The following XKR7 variants were observed in gnomAD, a reference collection of about 807,000 sequenced individuals.
XKR7 encodes the protein XK-related protein 7.
In XKR7, 11 loss-of-function variants were observed where a neutral mutation model predicts 42.2. The ratio of observed to expected loss-of-function variants is 0.26; its 90% CI spans 0.16 to 0.43. The LOEUF (loss-of-function observed/expected upper bound fraction) is 0.43, where lower values mean the gene tolerates loss of function less well. Ranked by LOEUF, XKR7 falls within the 20% of genes least tolerant of loss-of-function variation. The probability of loss-of-function intolerance (pLI) is 1.00; values close to 1 mark genes in which losing one functional copy is unlikely to be tolerated. For synonymous variants in XKR7, 346 were observed against 366.4 expected (o/e 0.94, Z 0.64); for missense variants, 710 against 802.2 (o/e 0.89, Z 1.39).
chr20:31,977,111 C>T lies in XKR7; in HGVS notation c.584+8352C>T, dbSNP rs533724943. ...CATCCACAGCCTTTAAAACTGTCCA[C>T]GGCCTAAGGCTAAGGAAAGAGGAGG... On this transcript the variant is annotated intron_variant, in intron 1 of 2. Transcript: ENST00000562532. Among the ~76,000 whole-genome samples, 8 of 152,320 alleles carry T rather than the reference C, an allele frequency of 5.3e-5. No homozygotes were observed. The East Asian group carries it at 9.6e-4, about 18-fold the overall frequency.
rs1161678565 is a variant in XKR7 at position 32,002,265 on chromosome 20, TG to T, written c.*4810del. The T allele has an allele frequency of 6.6e-6, 1 of 152,134 alleles. No homozygotes were observed. Among genetic ancestry groups the T allele is most frequent in the Non-Finnish European group, 1.5e-5 (1 of 68,060 alleles). The allele number at this position is 152,134 out of a possible 1,614,324, so 9.4% of individuals were successfully genotyped here. On this transcript the variant is annotated 3_prime_UTR_variant, in exon 3 of 3. Coordinates refer to ENST00000562532, the MANE Select transcript of XKR7 (RefSeq NM_001011718.2). ...AAGGCTGCCCTCTCCTCAGCAACCC[TG>T]GCCTTTATTCTATGCATAACCACTG...
intron 1 of XKR7, among the ~76,000 whole-genome samples, chr20:31,994,316 T>C (rs1445840107): frequency 6.6e-6 from 1 of 152,204 alleles, no homozygotes; most frequent in Non-Finnish European, 1.5e-5. Flanking sequence ...GTGCCGGCCC[T>C]GAGGCCAGAA....
rs200612857 is a variant in XKR7 at position 31,968,613 on chromosome 20, C to G, written c.438C>G (p.Gly146=). 6.2e-7 allele frequency: 1 copy of G among 1,603,538 alleles called. No homozygotes were observed. Among genetic ancestry groups the G allele is most frequent in the African/African-American group, 1.3e-5 (1 of 75,022 alleles). Residue 146 remains glycine (G), a synonymous_variant, in exon 1 of 3, where the codon GGC becomes GGG. Coordinates refer to ENST00000562532, the MANE Select transcript of XKR7 (RefSeq NM_001011718.2). The surrounding 1 kb of genome is among the most constrained non-coding windows in gnomAD (Gnocchi z 4.5). ...GAAISTKDSA[G]AFRTKEGSPE... ...CCATCAGCACCAAGGACAGCGCCGG[C>G]GCCTTCCGGACCAAAGAAGGCAGCC...
intron 1 of XKR7, among the ~76,000 whole-genome samples, chr20:31,991,985 C>T (rs1600662124): frequency 1.3e-5 from 2 of 152,116 alleles, no homozygotes; most frequent in African/African-American, 2.4e-5. Flanking sequence ...GGCATGATGG[C>T]GTATGCCTGT....
rs766631555 is a variant in XKR7 at position 31,968,627 on chromosome 20, A to C, written c.452A>C (p.Lys151Thr). ...TKDSAGAFRT[K>T]EGSPEPGPQP... ...GACAGCGCCGGCGCCTTCCGGACCA[A>C]AGAAGGCAGCCCCGAGCCGGGTCCC... The change falls in exon 1 of 3, where the codon AAA becomes ACA. Residue 151 changes from lysine (K) to threonine (T), a missense_variant. Physicochemically the swap from Lys to Thr is moderately conservative, Grantham distance 78 (BLOSUM62 -1). This residue lies in a region of XKR7 where 708 missense variants were observed against 786.2 expected (regional missense o/e 0.90). Coordinates refer to ENST00000562532, the MANE Select transcript of XKR7 (RefSeq NM_001011718.2). This position sits in a 1 kb window ranked among gnomAD's most constrained non-coding sequence, Gnocchi z 4.5. 15 of 1,597,874 alleles carry C rather than the reference A, an allele frequency of 9.4e-6. No individual in the cohort carries two copies. In the Admixed American group the frequency reaches 1.7e-4, roughly 18 times the overall value.
intron 1 of XKR7, among the ~76,000 whole-genome samples, chr20:31,978,765 G>C (rs946391745): frequency 6.6e-6 from 1 of 152,176 alleles, no homozygotes; most frequent in Non-Finnish European, 1.5e-5. Flanking sequence ...ATAGTTGCAG[G>C]CCCCACCCCA....
At chr20:31,986,671 CACAG>C (rs1367419209) in intron 1 of XKR7, among the ~76,000 whole-genome samples, 1 of 147,466 alleles carries the variant, frequency 6.8e-6, no homozygotes, top group Non-Finnish European at 1.5e-5. Flanking sequence ...GCATCCAAGA[CACAG>C]ACAGACAGAC....
Position 31,996,976 on chromosome 20 carries a change from T to C in XKR7, c.1259T>C (p.Val420Ala). The change falls in exon 3 of 3, where the codon GTA (valine) becomes GCA (alanine). Residue 420 changes from valine (V) to alanine (A), a missense_variant. Around this residue, in one of 2 missense-constraint regions of XKR7, gnomAD observed 708 missense variants for 786.2 expected, o/e 0.90. Transcript: ENST00000562532. The stretch of plus-strand genomic sequence containing the variant: ...TTCTACTCGCTCATCATGGTCTGCG[T>C]AGTGGCCTCCAGCTTTGCGCTGGGC... ...TDFYSLIMVC[V>A]VASSFALGIF... The C allele has an allele frequency of 6.2e-7, 1 of 1,614,160 alleles. No individual in the cohort carries two copies. Among genetic ancestry groups the C allele is most frequent in the South Asian group, 1.1e-5 (1 of 91,086 alleles).
chr20:31,996,494 T>A lies in XKR7; in HGVS notation c.788-11T>A. The A allele has an allele frequency of 1.7e-5, 2 of 114,436 alleles. No homozygotes were observed. Among genetic ancestry groups the A allele is most frequent in the Non-Finnish European group, 2.4e-5 (2 of 83,292 alleles). 7.1% of individuals were successfully genotyped at this position (114,436 alleles called of 1,614,324 possible). A position where few individuals can be genotyped will look rare whatever the true frequency, so the allele number is the denominator to read the frequency against. On this transcript the variant is annotated splice_polypyrimidine_tract_variant and intron_variant, in intron 2 of 2. Coordinates refer to ENST00000562532, the MANE Select transcript of XKR7 (RefSeq NM_001011718.2). ...AACCCAGCCCACCCCGCCCCTGCCC[T>A]GTCTCCACAGCCCTCTCCACCTCCG...
At position 31,996,967 on chromosome 20, in the gene XKR7, T is replaced by C. The variant is rs138804760; in HGVS notation, c.1250T>C (p.Met417Thr). Reference protein sequence around the residue: ...NFSTDFYSLIMVCVVASSFAL... With the variant: ...NFSTDFYSLITVCVVASSFAL... ...TCAACCGACTTCTACTCGCTCATCA[T>C]GGTCTGCGTAGTGGCCTCCAGCTTT... is the stretch of plus-strand genomic sequence containing the variant. The change falls in exon 3 of 3, where the codon ATG (methionine) becomes ACG (threonine). Residue 417 changes from methionine to threonine, a missense_variant. Met to Thr is a moderately conservative substitution (Grantham distance 81, BLOSUM62 -1). Around this residue, in one of 2 missense-constraint regions of XKR7, gnomAD observed 708 missense variants for 786.2 expected, o/e 0.90. Transcript: ENST00000562532. 37 of 1,614,022 alleles carry C rather than the reference T, an allele frequency of 2.3e-5. No homozygotes were observed. Among genetic ancestry groups the C allele is most frequent in the Non-Finnish European group, 3.1e-5 (36 of 1,180,048 alleles).
chr20:31,973,478 A>T (rs2064472872), intron 1 of XKR7, among the ~76,000 whole-genome samples: 1 of 152,134 alleles, frequency 6.6e-6, no homozygotes, highest in Non-Finnish European at 1.5e-5. Context: ...CCTGGGCCAG[A>T]TCGTGATAAG....
chr20:31,968,636 G>A lies in XKR7; in HGVS notation c.461G>A (p.Ser154Asn), dbSNP rs1049471210. 6.3e-7 allele frequency: 1 copy of A among 1,590,440 alleles called. No individual in the cohort carries two copies. The highest frequency in any genetic ancestry group is 1.3e-5 in the African/African-American group (1 of 74,918). Reference sequence around the variant, plus strand: ...GGCGCCTTCCGGACCAAAGAAGGCAGCCCCGAGCCGGGTCCCCAGCCTGCG... The same window carrying A: ...GGCGCCTTCCGGACCAAAGAAGGCAACCCCGAGCCGGGTCCCCAGCCTGCG... The part of the protein sequence containing the change: ...SAGAFRTKEG[S>N]PEPGPQPAPS... The change falls in exon 1 of 3, where the codon AGC (serine) becomes AAC (asparagine). Residue 154 changes from serine (S) to asparagine (N), a missense_variant. This residue lies in a region of XKR7 where 708 missense variants were observed against 786.2 expected (regional missense o/e 0.90). Coordinates refer to ENST00000562532, the MANE Select transcript of XKR7 (RefSeq NM_001011718.2). The surrounding 1 kb of genome is among the most constrained non-coding windows in gnomAD (Gnocchi z 4.5).
intron 1 of XKR7, among the ~76,000 whole-genome samples, chr20:31,990,285 C>T (rs903140599): frequency 6.6e-6 from 1 of 151,948 alleles, no homozygotes; most frequent in East Asian, 1.9e-4. Context: ...CCTACCTCGG[C>T]CTCCCAAAGT....
chr20:31,968,647 G>C lies in XKR7; in HGVS notation c.472G>C (p.Gly158Arg). 1 of 1,584,782 alleles carries C rather than the reference G, an allele frequency of 6.3e-7. No individual in the cohort carries two copies. Among genetic ancestry groups the C allele is most frequent in the East Asian group, 2.3e-5 (1 of 44,200 alleles). Residue 158 changes from glycine to arginine, a missense_variant, in exon 1 of 3, where the codon GGT becomes CGT. Gly to Arg is a moderately radical substitution (Grantham distance 125, BLOSUM62 -2). Around this residue, in one of 2 missense-constraint regions of XKR7, gnomAD observed 708 missense variants for 786.2 expected, o/e 0.90. Transcript: ENST00000562532. The surrounding 1 kb of genome is among the most constrained non-coding windows in gnomAD (Gnocchi z 4.5). Reference sequence around the variant, plus strand: ...GACCAAAGAAGGCAGCCCCGAGCCGGGTCCCCAGCCTGCGCCCTCCTCGGC... The same window carrying C: ...GACCAAAGAAGGCAGCCCCGAGCCGCGTCCCCAGCCTGCGCCCTCCTCGGC... ...FRTKEGSPEP[G>R]PQPAPSSASA...
At chr20:31,987,981 G>A (rs1008320516) in intron 1 of XKR7, among the ~76,000 whole-genome samples, 18 of 152,204 alleles carry the variant, frequency 1.2e-4, no homozygotes, top group Non-Finnish European at 2.4e-4. Flanking sequence ...TGCAGGAATG[G>A]TAAATAGGCT....
At chr20:31,993,088 C>CCACACACACA (rs374683030) in intron 1 of XKR7, among the ~76,000 whole-genome samples, 24 of 147,408 alleles carry the variant, frequency 1.6e-4, no homozygotes, top group African/African-American at 6.0e-4. Flanking sequence ...GGTTCCCCCT[C>CCACACACACA]CACACACACA....
In XKR7 at chr20:31,997,277, G is replaced by A. The variant is rs2064598818; in HGVS notation, c.1560G>A (p.Gly520=). The change falls in exon 3 of 3, where the codon GGG becomes GGA. Residue 520 remains glycine, a synonymous_variant. Transcript: ENST00000562532. ...TPVARTLRTE[G]PVIRIDLPRK... is the part of the protein sequence containing the mutation. ...TGGCCCGCACCTTGCGGACAGAGGG[G>A]CCTGTCATCCGGATTGACTTGCCTC... is the stretch of plus-strand genomic sequence containing the variant. The A allele has an allele frequency of 1.9e-6, 3 of 1,612,264 alleles. No individual in the cohort carries two copies. The highest frequency in any genetic ancestry group is 2.5e-6 in the Non-Finnish European group (3 of 1,180,028).
chr20:31,989,188 C>T (rs757554025), intron 1 of XKR7, among the ~76,000 whole-genome samples: 12 of 152,100 alleles, frequency 7.9e-5, no homozygotes, highest in Non-Finnish European at 1.2e-4. Flanking sequence ...GAGGAGCCAG[C>T]CATGGGAGGA....
intron 1 of XKR7, among the ~76,000 whole-genome samples, chr20:31,982,415 G>A (rs780340782): frequency 1.3e-5 from 2 of 152,026 alleles, no homozygotes; most frequent in African/African-American, 2.4e-5. Context: ...CCAGCTACTC[G>A]GGAGGCTGAG....
Sources: gnomAD v4.1 joint callset for allele counts (sites outside exome capture counted in the v4.1 genomes callset) on GRCh38, gnomAD v4.1.1 for gene constraint, gnomAD v4.1.1 regional missense constraint, Gnocchi (gnomAD v3.1) non-coding constraint, MANE v1.5 for transcripts, NCBI Gene and HGNC (gene_info 2026-07-23, HGNC 2026-07-21) for gene names.